The following PANK4 variants were observed in gnomAD, a reference collection of about 807,000 sequenced individuals.
PANK4 encodes 4'-phosphopantetheine phosphatase.
In PANK4, 40 loss-of-function variants were observed where a neutral mutation model predicts 87.9. That is an observed-to-expected ratio of 0.46 (90% confidence interval 0.35 to 0.59). The LOEUF is 0.59. Ranked by LOEUF, PANK4 falls within the 20% of genes least tolerant of loss-of-function variation. The pLI is 0.00. For missense variants in PANK4, 926 were observed against 1,072.3 expected, an observed-to-expected ratio of 0.86 and a Z score of 1.90; for synonymous variants, 524 against 467.4, an observed-to-expected ratio of 1.12 and a Z score of -1.56.
intron 9 of PANK4, among the ~76,000 whole-genome samples, chr1:2,517,341 G>A (rs1327216262): frequency 1.3e-5 from 2 of 152,224 alleles, no homozygotes; most frequent in Non-Finnish European, 2.9e-5. Context: ...AACAAGTCGC[G>A]GTCTTGAAAA....
rs745994603 is a variant in PANK4, at chr1:2,510,641, C to T, written c.1938+37G>A. On this transcript the variant is annotated intron_variant, in intron 16 of 18. Coordinates refer to ENST00000378466, the MANE Select transcript of PANK4 (RefSeq NM_018216.4). The surrounding 1 kb of genome is among the most constrained non-coding windows in gnomAD (Gnocchi z 4.9). ...CCAACCCCACCGAGAGCAGAGAAGC[C>T]CAGGGGAAGGGCCCCACCCACCACC... The T allele has an allele frequency of 7.8e-6, 10 of 1,275,142 alleles. No individual in the cohort carries two copies. Among genetic ancestry groups the T allele is most frequent in the Non-Finnish European group, 1.1e-5 (10 of 875,610 alleles). 79.0% of individuals were successfully genotyped at this position (1,275,142 alleles called of 1,614,324 possible).
Position 2,520,351 on chromosome 1 carries a change from C to A in PANK4, c.670G>T (p.Gly224Trp). Residue 224 changes from glycine to tryptophan, a missense_variant, in exon 5 of 19, where the codon GGG becomes TGG. Coordinates refer to ENST00000378466, the MANE Select transcript of PANK4 (RefSeq NM_018216.4). This position sits in a 1 kb window ranked among gnomAD's most constrained non-coding sequence, Gnocchi z 6.2. The part of the protein sequence containing the change: ...GSSIGGGTFW[G>W]LGALLTKTKK... ...GTTTTGGTGAGCAGAGCGCCAAGCC[C>A]CCAGAAGGTGCCGCCTCCAATGGAG... is the stretch of plus-strand genomic sequence containing the variant. 1 of 1,612,982 alleles carries A rather than the reference C, an allele frequency of 6.2e-7. No homozygotes were observed. Among genetic ancestry groups the A allele is most frequent in the Non-Finnish European group, 8.5e-7 (1 of 1,179,966 alleles).
chr1:2,525,548 A>C (rs1263844346), intron 1 of PANK4: 1 of 152,204 alleles, frequency 6.6e-6, no homozygotes, highest in Non-Finnish European at 1.5e-5. Context: ...TGGCTGGTTC[A>C]AATCCTGGTT....
Position 2,510,556 on chromosome 1 carries a change from C to T in PANK4, c.1938+122G>A. ...CTGGGCCGCCTCCCCCGTGCTGCTG[C>T]CTGCACCTACCTGCTGCGTCCGGAG... is the stretch of plus-strand genomic sequence containing the variant. On this transcript the variant is annotated intron_variant, in intron 16 of 18. Transcript: ENST00000378466. The surrounding 1 kb of genome is among the most constrained non-coding windows in gnomAD (Gnocchi z 4.9). 1.5e-6 allele frequency: 1 copy of T among 689,260 alleles called. No individual in the cohort carries two copies. The highest frequency in any genetic ancestry group is 2.6e-6 in the Non-Finnish European group (1 of 386,098). 42.7% of individuals were successfully genotyped at this position (689,260 alleles called of 1,614,324 possible).
rs1034751502 is a variant in PANK4 at position 2,520,167 on chromosome 1, C to T, written c.699+155G>A. The stretch of plus-strand genomic sequence containing the variant: ...TTGCTGGGACACCCAACCCTCAGGG[C>T]GCAAAGAGTGAAGCCGCAGAGGCCA... On this transcript the variant is annotated intron_variant, in intron 5 of 18. Coordinates refer to ENST00000378466, the MANE Select transcript of PANK4 (RefSeq NM_018216.4). The surrounding 1 kb of genome is among the most constrained non-coding windows in gnomAD (Gnocchi z 6.2). 6.6e-6 allele frequency among the ~76,000 whole-genome samples: 1 copy of T among 152,170 alleles called. No individual in the cohort carries two copies.
rs781747436 is a variant in PANK4 at position 2,521,305 on chromosome 1, C to T, written c.218G>A (p.Arg73His). The change falls in exon 3 of 19, where the codon CGT (arginine) becomes CAT (histidine). Residue 73 changes from arginine to histidine, a missense_variant. Physicochemically the swap from Arg to His is conservative, Grantham distance 29. Coordinates refer to ENST00000378466, the MANE Select transcript of PANK4 (RefSeq NM_018216.4). ...AATCTCATAGGGCGGCTCATGTTCA[C>T]GTTCTGTGTCCTGGAAAACAGAGTA... ...SFDHSGKDTE[R>H]EHEPPYEISV... 5.4e-5 allele frequency: 87 copies of T among 1,613,402 alleles called. 1 individual carries two copies. In the Admixed American group the frequency reaches 9.0e-4, roughly 17 times the overall value.
Position 2,510,569 on chromosome 1 carries a change from G to C in PANK4, c.1938+109C>G, listed in dbSNP as rs900443004. 12 of 709,608 alleles carry C rather than the reference G, an allele frequency of 1.7e-5. No homozygotes were observed. Among genetic ancestry groups the C allele is most frequent in the Non-Finnish European group, 2.8e-5 (11 of 399,824 alleles). The allele number at this position is 709,608 out of a possible 1,614,324, so 44.0% of individuals were successfully genotyped here. ...CCCGTGCTGCTGCCTGCACCTACCTGCTGCGTCCGGAGGAGCCCCGACCAC... is the reference window on the plus strand; with the variant it reads ...CCCGTGCTGCTGCCTGCACCTACCTCCTGCGTCCGGAGGAGCCCCGACCAC... On this transcript the variant is annotated intron_variant, in intron 16 of 18. Coordinates refer to ENST00000378466, the MANE Select transcript of PANK4 (RefSeq NM_018216.4). The surrounding 1 kb of genome is among the most constrained non-coding windows in gnomAD (Gnocchi z 4.9).
chr1:2,522,915 TATG>T (rs1557449523), intron 1 of PANK4, among the ~76,000 whole-genome samples: 7 of 13,454 alleles, frequency 5.2e-4, no homozygotes, highest in Non-Finnish European at 8.0e-4. Context: ...GAGGGCACCG[TATG>T]GTGCTATAGT....
intron 11 of PANK4, 38 bp downstream of exon 11, chr1:2,514,316 G>A (rs767656385): frequency 6.8e-7 from 1 of 1,461,676 alleles, no homozygotes; most frequent in South Asian, 1.1e-5. Context: ...CCCTCTGGAT[G>A]GAAGAGGTGG....
chr1:2,513,918 G>A (rs1190112952), intron 12 of PANK4, 84 bp downstream of exon 12: 2 of 1,037,602 alleles, frequency 1.9e-6, no homozygotes, highest in South Asian at 1.3e-5. Context: ...AGGATGCCCC[G>A]AGCCAGCGGG....
chr1:2,514,380 C>T lies in PANK4; in HGVS notation c.1461G>A (p.Lys487=). ...AEKFRQKYWN[K]LQTLRQQPFA... is the part of the protein sequence containing the mutation. ...AGGGCTGCTGCCTCAGGGTCTGAAG[C>T]TTGTTCCAGTACTTCTGCCGGAACT... Residue 487 remains lysine (K), a synonymous_variant, in exon 11 of 19, where the codon AAG becomes AAA. Coordinates refer to ENST00000378466, the MANE Select transcript of PANK4 (RefSeq NM_018216.4). The T allele has an allele frequency of 1.2e-6, 2 of 1,612,524 alleles. No homozygotes were observed. Among genetic ancestry groups the T allele is most frequent in the African/African-American group, 2.7e-5 (2 of 75,000 alleles).
At position 2,515,991 on chromosome 1, in the gene PANK4, C is replaced by T. The variant is rs553159503; in HGVS notation, c.1219-274G>A. On this transcript the variant is annotated intron_variant, in intron 9 of 18. Transcript: ENST00000378466. This position sits in a 1 kb window ranked among gnomAD's most constrained non-coding sequence, Gnocchi z 5.0. ...GCACCTCCCCGCTGCAGCCACACCT[C>T]CCCAATCACCGCTGCAGTCACCCTC... 5.6e-6 allele frequency: 3 copies of T among 540,050 alleles called. No homozygotes were observed. In the Admixed American group the frequency reaches 9.8e-5, roughly 18 times the overall value. 33.5% of individuals were successfully genotyped at this position (540,050 alleles called of 1,614,324 possible).
rs1210522462 is a variant in PANK4 at position 2,526,497 on chromosome 1, G to A, written c.91C>T (p.Leu31=). Residue 31 remains leucine, a synonymous_variant, in exon 1 of 19, where the codon CTG becomes TTG. Coordinates refer to ENST00000378466, the MANE Select transcript of PANK4 (RefSeq NM_018216.4). The stretch of plus-strand genomic sequence containing the variant: ...ATGGCGAAGCGCTTGGCGTTCTCCA[G>A]GTTGCGGAAGATCTCGTCGGGGGGC... The part of the protein sequence containing the change: ...TLPPDEIFRN[L]ENAKRFAIDI... 2.5e-6 allele frequency: 4 copies of A among 1,583,520 alleles called. No individual in the cohort carries two copies. Among genetic ancestry groups the A allele is most frequent in the Non-Finnish European group, 3.4e-6 (4 of 1,166,928 alleles).
At chr1:2,511,832 G>A (rs1385417442) in intron 13 of PANK4, 149 bp from the exon 14 acceptor site, 1 of 651,198 alleles carries the variant, frequency 1.5e-6, no homozygotes, top group East Asian at 2.7e-5. Flanking sequence ...GTGGGACAGG[G>A]GCAGCTGCTC....
chr1:2,518,240 T>C lies in PANK4; in HGVS notation c.1142A>G (p.Glu381Gly). The C allele has an allele frequency of 6.2e-7, 1 of 1,611,968 alleles. No homozygotes were observed. The highest frequency in any genetic ancestry group is 8.5e-7 in the Non-Finnish European group (1 of 1,179,518). Residue 381 changes from glutamate to glycine, a missense_variant, in exon 9 of 19, where the codon GAG (glutamate) becomes GGG (glycine). Coordinates refer to ENST00000378466, the MANE Select transcript of PANK4 (RefSeq NM_018216.4). Reference sequence around the variant, plus strand: ...CAGCCCGGAGCTGCCTGCATAGTTCTCTCCCCAGCTGTACTGGTTAGGATC... The same window carrying C: ...CAGCCCGGAGCTGCCTGCATAGTTCCCTCCCCAGCTGTACTGGTTAGGATC... ...QDNPNQYSWGENYAGSSGLMS... is the reference protein window; with the variant it reads ...QDNPNQYSWGGNYAGSSGLMS...
chr1:2,509,054 C>T lies in PANK4; in HGVS notation c.2115G>A (p.Leu705=). The change falls in exon 19 of 19, where the codon CTG becomes CTA. Residue 705 remains leucine (L), a synonymous_variant. Coordinates refer to ENST00000378466, the MANE Select transcript of PANK4 (RefSeq NM_018216.4). The surrounding 1 kb of genome is among the most constrained non-coding windows in gnomAD (Gnocchi z 4.9). ...GCACCAGTGCGGCCAGCCCCTTATCCAGGCGGCTTTGGGGAGGAAGAGGAC... is the reference window on the plus strand; with the variant it reads ...GCACCAGTGCGGCCAGCCCCTTATCTAGGCGGCTTTGGGGAGGAAGAGGAC... ...SSSPCLDLSR[L]DKGLAALVRE... is the part of the protein sequence containing the mutation. 1.9e-6 allele frequency: 3 copies of T among 1,596,338 alleles called. No individual in the cohort carries two copies. Among genetic ancestry groups the T allele is most frequent in the Non-Finnish European group, 2.5e-6 (3 of 1,178,084 alleles).
chr1:2,524,040 C>T (rs1643899818), intron 1 of PANK4, among the ~76,000 whole-genome samples: 1 of 152,362 alleles, frequency 6.6e-6, no homozygotes, highest in South Asian at 2.1e-4. Flanking sequence ...TCTTTGGGCA[C>T]CAATGGAGGG....
At chr1:2,518,365 T>G in intron 8 of PANK4, 101 bp from the exon 9 acceptor site, 1 of 984,816 alleles carries the variant, frequency 1.0e-6, no homozygotes, top group South Asian at 1.4e-5. Context: ...TTAACTAAAT[T>G]GTTAAAATGT....
Position 2,509,099 on chromosome 1 carries a change from AC to A in PANK4, c.2109-40del. 1 of 1,484,126 alleles carries A rather than the reference AC, an allele frequency of 6.7e-7. No individual in the cohort carries two copies. Among genetic ancestry groups the A allele is most frequent in the Non-Finnish European group, 9.2e-7 (1 of 1,091,814 alleles). 91.9% of individuals were successfully genotyped at this position (1,484,126 alleles called of 1,614,324 possible). On this transcript the variant is annotated intron_variant, in intron 18 of 18. Coordinates refer to ENST00000378466, the MANE Select transcript of PANK4 (RefSeq NM_018216.4). This position sits in a 1 kb window ranked among gnomAD's most constrained non-coding sequence, Gnocchi z 4.9. ...GAGGACGGTGAGACTGGGCAAGCAGACCCCAGACCCCACTTCCCATACAGTG... is the reference window on the plus strand; with the variant it reads ...GAGGACGGTGAGACTGGGCAAGCAGACCCAGACCCCACTTCCCATACAGTG...
Sources: allele counts gnomAD v4.1 joint callset (sites outside exome capture counted in the v4.1 genomes callset), GRCh38; gene constraint gnomAD v4.1.1; non-coding constraint Gnocchi (gnomAD v3.1); transcripts MANE v1.5; gene names NCBI Gene and HGNC (gene_info 2026-07-23, HGNC 2026-07-21).